Variants in DLC1 observed in about 807,000 individuals in gnomAD.
The protein encoded by DLC1 is DLC1 Rho GTPase activating protein.
A neutral mutation model predicts 140.3 loss-of-function variants in DLC1; 54 were observed. That is an observed-to-expected ratio of 0.38 (90% CI 0.31 to 0.48). The LOEUF (loss-of-function observed/expected upper bound fraction) is 0.48. Ranked by LOEUF, DLC1 falls within the 20% of genes least tolerant of loss-of-function variation. DLC1 has a pLI of 0.96. For missense variants in DLC1, 2,536 were observed against 1,907.0 expected, an observed-to-expected ratio of 1.33 and a Z score of -6.14; for synonymous variants, 986 against 728.1, an observed-to-expected ratio of 1.35 and a Z score of -5.70.
chr8:13,558,900 A>C (rs62492132), intron 1 of DLC1: 1 of 152,056 alleles, frequency 6.6e-6, no homozygotes, highest in East Asian at 1.9e-4. Flanking sequence ...AATGGCCTCA[A>C]AATTACAAAT....
chr8:13,447,233 A>G (rs541818425), intron 2 of DLC1, among the ~76,000 whole-genome samples: 2 of 152,164 alleles, frequency 1.3e-5, no homozygotes, highest in Non-Finnish European at 2.9e-5. Context: ...TTGGCAGTCT[A>G]CTCATTTCCC....
intron 2 of DLC1, among the ~76,000 whole-genome samples, chr8:13,474,551 C>T (rs537385723): frequency 1.6e-4 from 25 of 152,296 alleles, no homozygotes; most frequent in Non-Finnish European, 2.6e-4. Context: ...CAACTTGCAT[C>T]GTGTGCCTGG....
At position 13,085,759 on chromosome 8, in the gene DLC1, A is replaced by C; in HGVS notation, c.*52T>G. The C allele has an allele frequency of 6.2e-7, 1 of 1,609,368 alleles. No homozygotes were observed. The highest frequency in any genetic ancestry group is 8.5e-7 in the Non-Finnish European group (1 of 1,177,252). ...AACCCATTCTTCAAGGACTGGCAAA[A>C]GTTCTAGAAACAAACACCATGGTGG... On this transcript the variant is annotated 3_prime_UTR_variant, in exon 18 of 18. Coordinates refer to ENST00000276297, the MANE Select transcript of DLC1 (RefSeq NM_182643.3).
intron 5 of DLC1, among the ~76,000 whole-genome samples, chr8:13,206,196 G>A (rs1827655806): frequency 6.6e-6 from 1 of 152,150 alleles, no homozygotes; most frequent in East Asian, 1.9e-4. Flanking sequence ...AAGACTCATT[G>A]AGGAAACATG....
At chr8:13,318,041 T>G (rs1832925616) in intron 4 of DLC1, among the ~76,000 whole-genome samples, 1 of 152,090 alleles carries the variant, frequency 6.6e-6, no homozygotes, top group African/African-American at 2.4e-5. Context: ...GTTTATTTAT[T>G]TTTAGAGACA....
intron 5 of DLC1, among the ~76,000 whole-genome samples, chr8:13,159,127 G>A (rs1025341256): frequency 2.0e-5 from 3 of 152,100 alleles, no homozygotes; most frequent in East Asian, 1.9e-4. Context: ...ATCTACCCAC[G>A]TGGGACTGAT....
intron 5 of DLC1, among the ~76,000 whole-genome samples, chr8:13,296,015 C>T (rs527824289): frequency 7.0e-5 from 8 of 114,580 alleles, no homozygotes; most frequent in East Asian, 2.9e-4. Context: ...TGCAGTAGGG[C>T]GATCTTGGCT....
intron 1 of DLC1, among the ~76,000 whole-genome samples, chr8:13,587,493 G>A (rs992111577): frequency 2.0e-5 from 3 of 149,838 alleles, no homozygotes; most frequent in African/African-American, 4.9e-5. Flanking sequence ...TGAACCACTG[G>A]TGTGTTTTCC....
intron 5 of DLC1, among the ~76,000 whole-genome samples, chr8:13,161,164 C>T (rs1012574387): frequency 6.6e-6 from 1 of 152,162 alleles, no homozygotes; most frequent in African/African-American, 2.4e-5. Context: ...TAATCTCTTT[C>T]CTCACCCAAA....
chr8:13,529,192 G>A (rs1280561359), intron 1 of DLC1, among the ~76,000 whole-genome samples: 2 of 152,102 alleles, frequency 1.3e-5, no homozygotes, highest in Non-Finnish European at 2.9e-5. Context: ...CTGTTCAAAT[G>A]CTGATTAGAA....
At chr8:13,511,327 T>C (rs1206439302) in intron 1 of DLC1, among the ~76,000 whole-genome samples, 2 of 151,824 alleles carry the variant, frequency 1.3e-5, no homozygotes, top group African/African-American at 4.8e-5. Context: ...TTTCACCTTT[T>C]TTTTTGGCAT....
At position 13,312,382 on chromosome 8, in the gene DLC1, A is replaced by AT. The variant is rs1457871745; in HGVS notation, c.1315-7081_1315-7080insA. On this transcript the variant is annotated intron_variant, in intron 4 of 17. Coordinates refer to ENST00000276297, the MANE Select transcript of DLC1 (RefSeq NM_182643.3). ...TCTCAAAAAAAAAAAAAAAAAAAAA[A>AT]AAAAAATAATTTCTTTAGCAAGCTA... is the stretch of plus-strand genomic sequence containing the variant. 1.8e-3 allele frequency among the ~76,000 whole-genome samples: 216 copies of AT among 119,566 alleles called. 16 individuals carry two copies. The highest frequency in any genetic ancestry group is 6.7e-3 in the African/African-American group (207 of 30,926). 78.4% of individuals were successfully genotyped at this position (119,566 alleles called of 152,430 possible).
intron 5 of DLC1, among the ~76,000 whole-genome samples, chr8:13,264,792 A>G (rs1830617052): frequency 6.6e-6 from 1 of 152,238 alleles, no homozygotes; most frequent in Admixed American, 6.5e-5. Context: ...GGAAGCAAAG[A>G]TAACAATTCC....
rs141229234 is a variant in DLC1, at chr8:13,357,322, T to C, written c.1314+36231A>G. ...CCAGAGATTACATCCAAATTCACTG[T>C]TTGACACCTATGTGTTTCAGATGCA... is the stretch of plus-strand genomic sequence containing the variant. On this transcript the variant is annotated intron_variant, in intron 4 of 17. Transcript: ENST00000276297. Among the ~76,000 whole-genome samples the C allele has an allele frequency of 1.0e-3, 159 of 152,320 alleles. 1 individual carries two copies. The East Asian group carries it at 0.02, about 19-fold the overall frequency.
chr8:13,392,724 G>T (rs1836818886), intron 4 of DLC1, among the ~76,000 whole-genome samples: 1 of 152,132 alleles, frequency 6.6e-6, no homozygotes, highest in South Asian at 2.1e-4. Flanking sequence ...TCCTGTTGCA[G>T]TTCAACTCTT....
intron 2 of DLC1, among the ~76,000 whole-genome samples, chr8:13,453,826 T>G (rs537545363): frequency 6.6e-6 from 1 of 152,014 alleles, no homozygotes; most frequent in East Asian, 1.9e-4. Flanking sequence ...TGCTACTATA[T>G]GTATTAGGAT....
intron 4 of DLC1, among the ~76,000 whole-genome samples, chr8:13,331,318 T>C (rs55857262): frequency 0.074 from 11,298 of 152,238 alleles, 488 homozygotes; most frequent in South Asian, 0.094. Context: ...ATTGGTAGGA[T>C]TCTTTTTTGC....
In DLC1 at chr8:13,303,677, A is replaced by C. The variant is rs1330734345; in HGVS notation, c.1348+1592T>G. ...GTTAGCCTGGTGTGGTGGCGCAGGC[A>C]TGTAATCCCAGCTACTCAGGAGGCT... On this transcript the variant is annotated intron_variant, in intron 5 of 17. Transcript: ENST00000276297. Among the ~76,000 whole-genome samples, 4 of 152,106 alleles carry C rather than the reference A, an allele frequency of 2.6e-5. No homozygotes were observed. In the East Asian group the frequency reaches 7.7e-4, roughly 29 times the overall value.
chr8:13,361,895 CTAAA>C, intron 4 of DLC1, among the ~76,000 whole-genome samples: 1 of 152,234 alleles, frequency 6.6e-6, no homozygotes, highest in Middle Eastern at 3.4e-3. Context: ...GGGCACTGGG[CTAAA>C]TAGTGATCTG....
Sources: gnomAD v4.1 joint callset for allele counts (sites outside exome capture counted in the v4.1 genomes callset) on GRCh38, gnomAD v4.1.1 for gene constraint, MANE v1.5 for transcripts, NCBI Gene and HGNC (gene_info 2026-07-23, HGNC 2026-07-21) for gene names.